The following MOB2 variants were observed in gnomAD, a reference collection of about 807,000 sequenced individuals.
MOB2 encodes MOB2 Mps One Binder homolog.
MOB2 carries 14 observed loss-of-function variants against 27.4 expected under a neutral mutation model. The ratio of observed to expected loss-of-function variants is 0.51; its 90% CI spans 0.34 to 0.80. The LOEUF is 0.80. Among genes scored for constraint, MOB2 ranks in the 30% least tolerant of loss-of-function variants. MOB2 has a pLI of 0.01. For synonymous variants in MOB2, 167 were observed against 151.8 expected, an observed-to-expected ratio of 1.10 and a Z score of -0.74; for missense variants, 304 against 354.6, an observed-to-expected ratio of 0.86 and a Z score of 1.15.
chr11:1,486,041 CAA>C (rs1847966219), intron 1 of MOB2, among the ~76,000 whole-genome samples: 1 of 152,236 alleles, frequency 6.6e-6, no homozygotes, highest in Non-Finnish European at 1.5e-5. Flanking sequence ...CACGCTGGGA[CAA>C]AGACAGGCAC....
At chr11:1,485,543 T>A (rs1305011932) in intron 1 of MOB2, among the ~76,000 whole-genome samples, 1 of 152,108 alleles carries the variant, frequency 6.6e-6, no homozygotes, top group Non-Finnish European at 1.5e-5. Context: ...TGGAGCCGGG[T>A]GCCCAGGGAC....
chr11:1,470,124 ACAC>A lies in MOB2; in HGVS notation c.*45_*47del, dbSNP rs778589010. 8.4e-6 allele frequency: 13 copies of A among 1,553,036 alleles called. No individual in the cohort carries two copies. The highest frequency in any genetic ancestry group is 3.5e-5 in the South Asian group (3 of 84,716). On this transcript the variant is annotated 3_prime_UTR_variant, in exon 5 of 5. Transcript: ENST00000329957. ...CACACGCAGATGCAGGAGAGAACACACACCACCGTCTCTTTGCACACGTGTGCC... is the reference window on the plus strand; with the variant it reads ...CACACGCAGATGCAGGAGAGAACACACACCGTCTCTTTGCACACGTGTGCC...
intron 3 of MOB2, among the ~76,000 whole-genome samples, chr11:1,478,606 T>G (rs1044898465): frequency 6.6e-6 from 1 of 152,178 alleles, no homozygotes; most frequent in Non-Finnish European, 1.5e-5. Flanking sequence ...TGCCAAGGGC[T>G]TTTTCTTTGC....
At chr11:1,480,646 C>A (rs1185295268) in intron 2 of MOB2, 79 bp downstream of exon 2, 2 of 1,556,900 alleles carry the variant, frequency 1.3e-6, no homozygotes, top group African/African-American at 2.7e-5. Context: ...GAGCACCAGC[C>A]GTGGGGGTCC....
intron 3 of MOB2, among the ~76,000 whole-genome samples, chr11:1,478,194 C>T (rs1847873124): frequency 6.6e-6 from 1 of 152,124 alleles, no homozygotes; most frequent in African/African-American, 2.4e-5. Context: ...CCACCGCCAC[C>T]ACAGGCCCCA....
At position 1,486,565 on chromosome 11, in the gene MOB2, G is replaced by A. The variant is rs1110206; in HGVS notation, c.-9C>T. On this transcript the variant is annotated 5_prime_UTR_variant, in exon 1 of 5. Coordinates refer to ENST00000329957, the MANE Select transcript of MOB2 (RefSeq NM_001172223.3). ...CAGTGGTCTCCCAGCATGAGTGGGC[G>A]ACGGGAAGGTGGGGAGGAGAAGCGG... The A allele has an allele frequency of 0.32, 483,245 of 1,528,498 alleles. 79,869 individuals are homozygous for A. Among genetic ancestry groups the A allele is most frequent in the East Asian group, 0.61 (24,821 of 40,814 alleles). 94.7% of individuals were successfully genotyped at this position (1,528,498 alleles called of 1,614,324 possible). A position where few individuals can be genotyped will look rare whatever the true frequency, so the allele number is the denominator to read the frequency against.
At chr11:1,480,301 G>A (rs1847896086) in intron 3 of MOB2, 92 bp downstream of exon 3, 1 of 1,193,960 alleles carries the variant, frequency 8.4e-7, no homozygotes, top group East Asian at 2.3e-5. Flanking sequence ...GGTGAGAACG[G>A]AATCTGAGAG....
In MOB2 at chr11:1,480,495, G is replaced by A; in HGVS notation, c.272-9C>T. 2.5e-6 allele frequency: 4 copies of A among 1,613,352 alleles called. No individual in the cohort carries two copies. The highest frequency in any genetic ancestry group is 1.7e-5 in the Admixed American group (1 of 60,028). ...GTGGAAAAACGTCGTGGCTGGAAGAGAAGAGAAGGAGCCAGATGTGAAAAA... is the reference window on the plus strand; with the variant it reads ...GTGGAAAAACGTCGTGGCTGGAAGAAAAGAGAAGGAGCCAGATGTGAAAAA... On this transcript the variant is annotated splice_polypyrimidine_tract_variant and intron_variant, in intron 2 of 4. Transcript: ENST00000329957.
At chr11:1,478,834 C>T (rs930703844) in intron 3 of MOB2, among the ~76,000 whole-genome samples, 6 of 152,248 alleles carry the variant, frequency 3.9e-5, no homozygotes, top group East Asian at 1.9e-4. Context: ...AGGGAGGAGA[C>T]GCGCCTCAAT....
At chr11:1,484,122 G>T (rs1847944808) in intron 1 of MOB2, among the ~76,000 whole-genome samples, 1 of 152,202 alleles carries the variant, frequency 6.6e-6, no homozygotes, top group East Asian at 1.9e-4. Flanking sequence ...CAGGAATGGG[G>T]TGCTCCAGGC....
intron 4 of MOB2, 70 bp from the exon 5 acceptor site, chr11:1,470,558 C>T: frequency 6.6e-7 from 1 of 1,518,354 alleles, no homozygotes; most frequent in Non-Finnish European, 8.8e-7. Flanking sequence ...CCCCTGGCAC[C>T]CAGCCTGGTG....
Position 1,480,821 on chromosome 11 carries a change from G to A in MOB2, c.175C>T (p.Pro59Ser), listed in dbSNP as rs1052163682. Reference protein sequence around the residue: ...AAEERKAYLEPEHTKARITDF... With the variant: ...AAEERKAYLESEHTKARITDF... ...GTGATCCTGGCCTTGGTGTGCTCAGGCTCCAGGTAGGCCTTCCTCTCCTCC... is the reference window on the plus strand; with the variant it reads ...GTGATCCTGGCCTTGGTGTGCTCAGACTCCAGGTAGGCCTTCCTCTCCTCC... Residue 59 changes from proline (P) to serine (S), a missense_variant, in exon 2 of 5, where the codon CCT (proline) becomes TCT (serine). Coordinates refer to ENST00000329957, the MANE Select transcript of MOB2 (RefSeq NM_001172223.3). 16 of 1,584,318 alleles carry A rather than the reference G, an allele frequency of 1.0e-5. No individual in the cohort carries two copies. Among genetic ancestry groups the A allele is most frequent in the African/African-American group, 2.7e-5 (2 of 74,284 alleles).
chr11:1,480,988 G>C (rs911192892), intron 1 of MOB2, 103 bp from the exon 2 acceptor site: 4 of 1,403,684 alleles, frequency 2.8e-6, no homozygotes, highest in Non-Finnish European at 2.9e-6. Context: ...GGAGCTGCCC[G>C]AGCCCATCGG....
In MOB2 at chr11:1,482,513, T is replaced by C. The variant is rs571913712; in HGVS notation, c.111-1628A>G. 2.6e-5 allele frequency among the ~76,000 whole-genome samples: 4 copies of C among 152,246 alleles called. No homozygotes were observed. The East Asian group carries it at 7.7e-4, about 29-fold the overall frequency. ...TCAGGAGGTAGTGAGCAGCCGCCAC[T>C]CCGGCACTGGCACCTCAGCCTCCCT... On this transcript the variant is annotated intron_variant, in intron 1 of 4. Transcript: ENST00000329957.
At chr11:1,477,845 T>C (rs1179517883) in intron 3 of MOB2, among the ~76,000 whole-genome samples, 1 of 152,224 alleles carries the variant, frequency 6.6e-6, no homozygotes, top group Non-Finnish European at 1.5e-5. Context: ...ATTTTAAAAA[T>C]ACATTCTCAT....
rs533651206 is a variant in MOB2 at position 1,470,146 on chromosome 11, G to A, written c.*26C>T. Reference sequence around the variant, plus strand: ...CACACACCACCGTCTCTTTGCACACGTGTGCCCCTGTCCGGCCCGGGGGGC... The same window carrying A: ...CACACACCACCGTCTCTTTGCACACATGTGCCCCTGTCCGGCCCGGGGGGC... On this transcript the variant is annotated 3_prime_UTR_variant, in exon 5 of 5. Coordinates refer to ENST00000329957, the MANE Select transcript of MOB2 (RefSeq NM_001172223.3). The A allele has an allele frequency of 2.9e-5, 46 of 1,567,654 alleles. No homozygotes were observed. In the East Asian group the frequency reaches 5.3e-4, roughly 18 times the overall value.
At position 1,486,741 on chromosome 11, in the gene MOB2, T is replaced by G; in HGVS notation, c.-185A>C. On this transcript the variant is annotated 5_prime_UTR_variant, in exon 1 of 5. Coordinates refer to ENST00000329957, the MANE Select transcript of MOB2 (RefSeq NM_001172223.3). ...AAGGCTGGTGAAACGAGGGAGCGTC[T>G]GAATTGGCCTTTTCCAAGTGGCATG... 1 of 583,066 alleles carries G rather than the reference T, an allele frequency of 1.7e-6. No homozygotes were observed. The highest frequency in any genetic ancestry group is 2.0e-5 in the South Asian group (1 of 49,540). The allele number at this position is 583,066 out of a possible 1,614,324, so 36.1% of individuals were successfully genotyped here. A position where few individuals can be genotyped will look rare whatever the true frequency, so the allele number is the denominator to read the frequency against.
chr11:1,469,458 G>T lies in MOB2; in HGVS notation c.*714C>A. On this transcript the variant is annotated 3_prime_UTR_variant, in exon 5 of 5. Transcript: ENST00000329957. ...AGACGCTGAGACGTACACAGGCTCT[G>T]ACCTGAGAGAATTCTTTTTATTACG... 2.4e-6 allele frequency: 1 copy of T among 422,290 alleles called. No individual in the cohort carries two copies. Among genetic ancestry groups the T allele is most frequent in the Non-Finnish European group, 4.9e-6 (1 of 205,952 alleles). The allele number at this position is 422,290 out of a possible 1,614,324, so 26.2% of individuals were successfully genotyped here. A position where few individuals can be genotyped will look rare whatever the true frequency, so the allele number is the denominator to read the frequency against.
chr11:1,486,504 G>T lies in MOB2; in HGVS notation c.53C>A (p.Ser18Tyr), dbSNP rs1423023944. ...LPEDQARPGQ[S>Y]LQSGLCCKMV... ...TTTGCAGCAGAGTCCACTTTGCAGG[G>T]ACTGGCCGGGCCGGGCTTGGTCTTC... The change falls in exon 1 of 5, where the codon TCC (serine) becomes TAC (tyrosine). Residue 18 changes from serine (S) to tyrosine (Y), a missense_variant. Transcript: ENST00000329957. 3.9e-6 allele frequency: 6 copies of T among 1,535,768 alleles called. No individual in the cohort carries two copies. The highest frequency in any genetic ancestry group is 1.2e-5 in the South Asian group (1 of 84,070).
Sources: gnomAD v4.1 joint callset for allele counts (sites outside exome capture counted in the v4.1 genomes callset) on GRCh38, gnomAD v4.1.1 for gene constraint, MANE v1.5 for transcripts, NCBI Gene and HGNC (gene_info 2026-07-23, HGNC 2026-07-21) for gene names.